CFAP74: variants seen among roughly 807,000 people sequenced by gnomAD.
The protein encoded by CFAP74 is cilia- and flagella-associated protein 74.
A neutral mutation model predicts 188.9 loss-of-function variants in CFAP74; 124 were observed. The observed-to-expected ratio is 0.66, with a 90% CI of 0.57 to 0.76. The LOEUF is 0.76. Ranked by LOEUF, CFAP74 falls within the 30% of genes least tolerant of loss-of-function variation. CFAP74 has a pLI of 0.00. For synonymous variants in CFAP74, 956 were observed against 916.7 expected (o/e 1.04, Z -0.77); for missense variants, 2,198 against 2,165.2 (o/e 1.02, Z -0.30).
intron 16 of CFAP74, among the ~76,000 whole-genome samples, chr1:1,957,572 G>A (rs776768074): frequency 5.3e-5 from 8 of 152,310 alleles, no homozygotes; most frequent in Non-Finnish European, 8.8e-5. Flanking sequence ...CGAGGGTCTC[G>A]GTGCTCCTGT....
chr1:1,938,125 TCA>T (rs34242289), intron 25 of CFAP74, among the ~76,000 whole-genome samples: 58,289 of 140,190 alleles, frequency 0.42, 13,523 homozygotes, highest in Admixed American at 0.54. Context: ...GCACTCACAT[TCA>T]GTCACATGCT....
chr1:1,923,488 G>A lies in CFAP74; in HGVS notation c.4401C>T (p.His1467=), dbSNP rs1454588900. Residue 1467 remains histidine, a synonymous_variant, in exon 36 of 39, where the codon CAC becomes CAT. Coordinates refer to ENST00000682832, the MANE Select transcript of CFAP74 (RefSeq NM_001304360.2). The surrounding 1 kb of genome is among the most constrained non-coding windows in gnomAD (Gnocchi z 6.3). ...QVVLFEKKIS[H]QILLKGAACQ... ...AGGCGGCACCCTTCAGCAGGATCTG[G>A]TGGGAGATTTTCTGGGGACAAGAAG... 3 of 1,609,758 alleles carry A rather than the reference G, an allele frequency of 1.9e-6. No homozygotes were observed. The highest frequency in any genetic ancestry group is 1.7e-5 in the Admixed American group (1 of 59,838).
At chr1:1,992,000 A>C (rs1011940776) in intron 1 of CFAP74, among the ~76,000 whole-genome samples, 1 of 150,878 alleles carries the variant, frequency 6.6e-6, no homozygotes. Flanking sequence ...AGATCGCGCC[A>C]CTGCACTCCA....
In CFAP74 at chr1:1,923,640, C is replaced by G; in HGVS notation, c.4389+135G>C. On this transcript the variant is annotated intron_variant, in intron 35 of 38. Coordinates refer to ENST00000682832, the MANE Select transcript of CFAP74 (RefSeq NM_001304360.2). This position sits in a 1 kb window ranked among gnomAD's most constrained non-coding sequence, Gnocchi z 6.3. ...CCCTGGACTCTGGTCTTTCCACTGA[C>G]GGCCCTCAGTGTGGTGCTGAGTCCC... 2 of 1,511,318 alleles carry G rather than the reference C, an allele frequency of 1.3e-6. No homozygotes were observed. The highest frequency in any genetic ancestry group is 1.2e-5 in the South Asian group (1 of 82,230). 93.6% of individuals were successfully genotyped at this position (1,511,318 alleles called of 1,614,324 possible).
rs761254917 is a variant in CFAP74 at position 1,923,128 on chromosome 1, G to A, written c.4540C>T (p.Pro1514Ser). ...RHREASSRPGPLSPEAEELRP... is the reference protein window; with the variant it reads ...RHREASSRPGSLSPEAEELRP... Reference sequence around the variant, plus strand: ...AGCTCCTCAGCTTCTGGAGAGAGAGGGCCTGGCCGGGAGCTGGCTGGAGGG... The same window carrying A: ...AGCTCCTCAGCTTCTGGAGAGAGAGAGCCTGGCCGGGAGCTGGCTGGAGGG... The change falls in exon 37 of 39, where the codon CCT becomes TCT. Residue 1514 changes from proline (P) to serine (S), a missense_variant. By Grantham distance (74) the Pro-to-Ser change is moderately conservative (BLOSUM62 -1). Transcript: ENST00000682832. The surrounding 1 kb of genome is among the most constrained non-coding windows in gnomAD (Gnocchi z 6.3). 1 of 1,609,148 alleles carries A rather than the reference G, an allele frequency of 6.2e-7. No individual in the cohort carries two copies. The highest frequency in any genetic ancestry group is 2.2e-5 in the East Asian group (1 of 44,824).
At chr1:1,938,285 T>G (rs548302018) in intron 25 of CFAP74, among the ~76,000 whole-genome samples, 1,520 of 151,392 alleles carry the variant, frequency 0.01, 24 homozygotes, top group African/African-American at 0.034. Context: ...ATACATGCAC[T>G]CACACTCAAC....
intron 18 of CFAP74, among the ~76,000 whole-genome samples, chr1:1,949,435 G>A (rs983100453): frequency 6.6e-6 from 1 of 152,090 alleles, no homozygotes; most frequent in African/African-American, 2.4e-5. Flanking sequence ...GATTACAAGT[G>A]TAAGCCACTG....
rs764357144 is a variant in CFAP74 at position 1,959,154 on chromosome 1, G to A, written c.1817C>T (p.Ser606Leu). Reference sequence around the variant, plus strand: ...CTTTGTTGAACATTTCAGTGGAACTGAAAACTCGCCCGTCTGAGCCAAAAA... The same window carrying A: ...CTTTGTTGAACATTTCAGTGGAACTAAAAACTCGCCCGTCTGAGCCAAAAA... Reference protein sequence around the residue: ...ISFLAQTGEFSVPLKCSTKKC... With the variant: ...ISFLAQTGEFLVPLKCSTKKC... Residue 606 changes from serine (S) to leucine (L), a missense_variant, in exon 16 of 39, where the codon TCA (serine) becomes TTA (leucine). Transcript: ENST00000682832. The A allele has an allele frequency of 6.2e-7, 1 of 1,613,322 alleles. No individual in the cohort carries two copies. Among genetic ancestry groups the A allele is most frequent in the Admixed American group, 1.7e-5 (1 of 60,014 alleles).
intron 33 of CFAP74, among the ~76,000 whole-genome samples, chr1:1,925,153 C>A (rs769574282): frequency 7.0e-6 from 1 of 142,938 alleles, no homozygotes; most frequent in Admixed American, 6.9e-5. Flanking sequence ...CAGGGCAGGG[C>A]GAAGGCATGA....
rs1169721530 is a variant in CFAP74 at position 1,968,796 on chromosome 1, TCTC to T, written c.1081_1083del (p.Glu361del). The T allele has an allele frequency of 4.3e-6, 7 of 1,613,962 alleles. No individual in the cohort carries two copies. The highest frequency in any genetic ancestry group is 4.0e-5 in the African/African-American group (3 of 74,912). On this transcript the variant is annotated inframe_deletion, in exon 11 of 39. Transcript: ENST00000682832. The surrounding 1 kb of genome is among the most constrained non-coding windows in gnomAD (Gnocchi z 4.3). ...TCCTCTTTCAGAATCCGACTGATGATCTCCTGCTTTCTGAGCTTCTGCTCCTCC... is the reference window on the plus strand; with the variant it reads ...TCCTCTTTCAGAATCCGACTGATGATCTGCTTTCTGAGCTTCTGCTCCTCC...
Position 1,956,677 on chromosome 1 carries a change from C to G in CFAP74, c.1959G>C (p.Lys653Asn), listed in dbSNP as rs1270442573. Residue 653 changes from lysine (K) to asparagine (N), a missense_variant, in exon 17 of 39, where the codon AAG becomes AAC. Coordinates refer to ENST00000682832, the MANE Select transcript of CFAP74 (RefSeq NM_001304360.2). ...CACAGGGCTCTGAAGCTGGCAGGAA[C>G]TTGAAAGTCGTGCCCAAGCCCCCAA... ...TNVGGLGTTFKFLPASEPCEM... is the reference protein window; with the variant it reads ...TNVGGLGTTFNFLPASEPCEM... The G allele has an allele frequency of 1.2e-5, 20 of 1,614,018 alleles. No homozygotes were observed. The highest frequency in any genetic ancestry group is 1.6e-5 in the Non-Finnish European group (19 of 1,180,030).
At position 1,923,784 on chromosome 1, in the gene CFAP74, G is replaced by C; in HGVS notation, c.4380C>G (p.Leu1460=). 2 of 1,613,380 alleles carry C rather than the reference G, an allele frequency of 1.2e-6. No homozygotes were observed. The highest frequency in any genetic ancestry group is 8.5e-7 in the Non-Finnish European group (1 of 1,179,850). ...AGAGCCAGAGCCGCACCTTTTCAAA[G>C]AGCACCACCTGGAGCTTGTCGGAGA... ...LYFSDKLQVV[L]FEKKISHQIL... Residue 1460 remains leucine (L), a synonymous_variant, in exon 35 of 39, where the codon CTC becomes CTG. Coordinates refer to ENST00000682832, the MANE Select transcript of CFAP74 (RefSeq NM_001304360.2). This position sits in a 1 kb window ranked among gnomAD's most constrained non-coding sequence, Gnocchi z 6.3.
intron 10 of CFAP74, among the ~76,000 whole-genome samples, chr1:1,970,258 C>G (rs894212444): frequency 2.0e-5 from 3 of 152,228 alleles, no homozygotes; most frequent in African/African-American, 7.2e-5. Flanking sequence ...AGGGAGTGAG[C>G]AAGGGCAGGC....
At chr1:1,948,651 T>C (rs190241673) in intron 18 of CFAP74, among the ~76,000 whole-genome samples, 5 of 147,886 alleles carry the variant, frequency 3.4e-5, no homozygotes, top group African/African-American at 1.0e-4. Flanking sequence ...TGCAGTGGTG[T>C]GATCACAGCT....
chr1:1,929,495 C>T (rs1233751613), intron 26 of CFAP74, among the ~76,000 whole-genome samples: 3 of 135,834 alleles, frequency 2.2e-5, no homozygotes, highest in East Asian at 2.3e-4. Flanking sequence ...GAACCATCAC[C>T]GAGTGGCTTT....
chr1:1,965,438 G>A (rs533162185), intron 12 of CFAP74, among the ~76,000 whole-genome samples: 2 of 152,356 alleles, frequency 1.3e-5, no homozygotes, highest in East Asian at 1.9e-4. Flanking sequence ...GCAGGAAGCA[G>A]TTTTCTCGAG....
intron 18 of CFAP74, chr1:1,955,137 G>C (rs577173525): frequency 2.5e-6 from 3 of 1,216,852 alleles, no homozygotes; most frequent in East Asian, 6.6e-5. Context: ...CAGGGCGTGC[G>C]GAACGCGCAC....
At chr1:1,992,709 C>G (rs1194983446) in intron 1 of CFAP74, among the ~76,000 whole-genome samples, 1 of 151,824 alleles carries the variant, frequency 6.6e-6, no homozygotes, top group Non-Finnish European at 1.5e-5. Flanking sequence ...CTCCTGACCT[C>G]GTGACCCACC....
chr1:1,960,349 C>G (rs1308299070), intron 14 of CFAP74, among the ~76,000 whole-genome samples: 1 of 152,276 alleles, frequency 6.6e-6, no homozygotes, highest in East Asian at 1.9e-4. Flanking sequence ...CCACAGTTCC[C>G]CTGGGCACAG....
Sources: gnomAD v4.1 joint callset for allele counts (sites outside exome capture counted in the v4.1 genomes callset) on GRCh38, gnomAD v4.1.1 for gene constraint, Gnocchi (gnomAD v3.1) non-coding constraint, MANE v1.5 for transcripts, NCBI Gene and HGNC (gene_info 2026-07-23, HGNC 2026-07-21) for gene names.